Variants in CNOT1 observed in about 807,000 individuals in gnomAD.
CNOT1 encodes the protein CCR4-associated factor 1.
Under a neutral mutation model 273.8 loss-of-function variants are expected in CNOT1, and 15 were observed. The ratio of observed to expected loss-of-function variants is 0.05; its 90% CI spans 0.04 to 0.08. The LOEUF is 0.08. Ranked by LOEUF, CNOT1 falls within the 10% of genes least tolerant of loss-of-function variation. The pLI is 1.00. For synonymous variants in CNOT1, 1,022 were observed against 1,005.5 expected (o/e 1.02, Z -0.31); for missense variants, 1,644 against 2,912.2 (o/e 0.56, Z 10.02).
intron 3 of CNOT1, among the ~76,000 whole-genome samples, chr16:58,588,385 CAA>C (rs1285799866): frequency 1.3e-5 from 2 of 152,036 alleles, no homozygotes. Context: ...TTACACTACT[CAA>C]AGTCTATTAG....
chr16:58,607,450 T>C (rs1336135582), intron 1 of CNOT1, among the ~76,000 whole-genome samples: 1 of 151,974 alleles, frequency 6.6e-6, no homozygotes, highest in African/African-American at 2.4e-5. Flanking sequence ...CTATCTAGGC[T>C]GGGCAAGGTG....
chr16:58,577,497 C>T (rs1376148005), intron 13 of CNOT1, among the ~76,000 whole-genome samples: 10 of 152,038 alleles, frequency 6.6e-5, no homozygotes, highest in Admixed American at 6.6e-4. Flanking sequence ...TAATAAAGAG[C>T]CTTATTTCAC....
intron 16 of CNOT1, among the ~76,000 whole-genome samples, chr16:58,571,645 C>T (rs980011912): frequency 9.2e-5 from 14 of 152,116 alleles, no homozygotes; most frequent in African/African-American, 2.2e-4. Flanking sequence ...AAACACCTGA[C>T]GGAAAAACTG....
intron 44 of CNOT1, 45 bp downstream of exon 44, chr16:58,528,430 G>A (rs754623907): frequency 2.1e-6 from 3 of 1,403,736 alleles, no homozygotes; most frequent in Non-Finnish European, 3.0e-6. Context: ...AGAAAGGACT[G>A]AAATATTAAG....
intron 16 of CNOT1, among the ~76,000 whole-genome samples, chr16:58,564,633 C>T (rs2040975609): frequency 2.6e-5 from 4 of 152,152 alleles, no homozygotes; most frequent in Admixed American, 1.3e-4. Context: ...TTCACCTTTA[C>T]TATTTAGGGA....
intron 2 of CNOT1, 44 bp from the exon 3 acceptor site, chr16:58,588,950 CAAA>C: frequency 9.4e-7 from 1 of 1,066,232 alleles, no homozygotes; most frequent in Non-Finnish European, 1.3e-6. Context: ...GAAGATAAAA[CAAA>C]AAAAAAAAGT....
intron 1 of CNOT1, among the ~76,000 whole-genome samples, chr16:58,600,511 T>C (rs553843730): frequency 2.6e-5 from 4 of 152,340 alleles, no homozygotes; most frequent in East Asian, 1.9e-4. Flanking sequence ...TCAGACTCTC[T>C]TTCCATGGTA....
chr16:58,629,330 G>A (rs928690740), intron 1 of CNOT1, among the ~76,000 whole-genome samples: 13 of 152,222 alleles, frequency 8.5e-5, no homozygotes, highest in East Asian at 7.7e-4. Flanking sequence ...AGCAGAGACA[G>A]AAACAGTAGT....
rs573908549 is a variant in CNOT1 at position 58,549,425 on chromosome 16, C to T, written c.3522+294G>A. ...AGAGGGCGACACCATACAGAATATG[C>T]TAACCAATACTATGCTGCTTATGTA... On this transcript the variant is annotated intron_variant, in intron 25 of 48. Transcript: ENST00000317147. Among the ~76,000 whole-genome samples the T allele has an allele frequency of 5.3e-5, 8 of 151,784 alleles. 1 individual carries two copies. The South Asian group carries it at 1.7e-3, about 32-fold the overall frequency.
In CNOT1 at chr16:58,615,986, C is replaced by A. The variant is rs757353427; in HGVS notation, c.-175+13742G>T. Among the ~76,000 whole-genome samples the A allele has an allele frequency of 1.0e-3, 122 of 121,042 alleles. 35 individuals are homozygous for A. The highest frequency in any genetic ancestry group is 4.1e-3 in the Middle Eastern group (1 of 244). The allele number at this position is 121,042 out of a possible 152,430, so 79.4% of individuals were successfully genotyped here. A position where few individuals can be genotyped will look rare whatever the true frequency, so the allele number is the denominator to read the frequency against. On this transcript the variant is annotated intron_variant, in intron 1 of 48. Transcript: ENST00000317147. ...CCTTTGGCCCTAGCTACTAGAGAGG[C>A]TGAAGGGGGAGGACTGTCTGAGCCC...
At chr16:58,588,939 G>A (rs368684134) in intron 2 of CNOT1, 33 bp from the exon 3 acceptor site, 177 of 1,525,934 alleles carry the variant, frequency 1.2e-4, no homozygotes, top group Non-Finnish European at 8.3e-5. Context: ...GTTTAATAAG[G>A]GAAGATAAAA....
chr16:58,527,297 G>C (rs565932654), intron 44 of CNOT1, among the ~76,000 whole-genome samples: 1 of 152,114 alleles, frequency 6.6e-6, no homozygotes, highest in Admixed American at 6.5e-5. Flanking sequence ...GCCAAGGCAG[G>C]CAGATCGTGA....
At chr16:58,531,381 T>C (rs1440657323) in intron 42 of CNOT1, among the ~76,000 whole-genome samples, 1 of 152,244 alleles carries the variant, frequency 6.6e-6, no homozygotes, top group Non-Finnish European at 1.5e-5. Flanking sequence ...AAAAAACTTA[T>C]CATGTTAACT....
chr16:58,595,177 T>A (rs1436220641), intron 2 of CNOT1, among the ~76,000 whole-genome samples: 4 of 146,996 alleles, frequency 2.7e-5, no homozygotes, highest in South Asian at 2.1e-4. Context: ...ATGTGAAAAA[T>A]AAAGGAACCA....
intron 34 of CNOT1, among the ~76,000 whole-genome samples, chr16:58,540,331 C>T (rs896861505): frequency 2.5e-4 from 38 of 152,296 alleles, no homozygotes; most frequent in African/African-American, 8.4e-4. Context: ...ATGAAAAATA[C>T]AGTACTCAGT....
chr16:58,577,759 G>A (rs2041509207), intron 13 of CNOT1, among the ~76,000 whole-genome samples: 1 of 151,738 alleles, frequency 6.6e-6, no homozygotes, highest in Non-Finnish European at 1.5e-5. Context: ...ATGACTGACT[G>A]AGCCTGGGAG....
Position 58,551,150 on chromosome 16 carries a change from C to T in CNOT1, c.3324G>A (p.Gln1108=). The T allele has an allele frequency of 6.2e-7, 1 of 1,605,828 alleles. No individual in the cohort carries two copies. The highest frequency in any genetic ancestry group is 8.5e-7 in the Non-Finnish European group (1 of 1,178,042). ...TGCTCACCTTTTGTGTCATATTTGA[C>T]TGTGAGAGATTATTGAAAATAAAAG... is the stretch of plus-strand genomic sequence containing the variant. The part of the protein sequence containing the change: ...KIAFIFNNLS[Q]SNMTQKVEEL... The change falls in exon 24 of 49, where the codon CAG becomes CAA. Residue 1108 remains glutamine (Q), a synonymous_variant. Coordinates refer to ENST00000317147, the MANE Select transcript of CNOT1 (RefSeq NM_016284.5).
chr16:58,622,766 G>C (rs2043399331), intron 1 of CNOT1, among the ~76,000 whole-genome samples: 1 of 150,822 alleles, frequency 6.6e-6, no homozygotes, highest in South Asian at 2.1e-4. Context: ...ATCGTCTCTT[G>C]AAACCTGGAG....
At chr16:58,612,225 G>A (rs1400858997) in intron 1 of CNOT1, among the ~76,000 whole-genome samples, 2 of 152,034 alleles carry the variant, frequency 1.3e-5, no homozygotes, top group Non-Finnish European at 2.9e-5. Flanking sequence ...TAAATATCAG[G>A]CACCTTAAGA....
Sources: allele counts gnomAD v4.1 joint callset (sites outside exome capture counted in the v4.1 genomes callset), GRCh38; gene constraint gnomAD v4.1.1; transcripts MANE v1.5; gene names NCBI Gene and HGNC (gene_info 2026-07-23, HGNC 2026-07-21).